The following ZFYVE27 variants were observed in gnomAD, a reference collection of about 807,000 sequenced individuals.
ZFYVE27 encodes the protein zinc finger FYVE-type containing 27.
A neutral mutation model predicts 52.8 loss-of-function variants in ZFYVE27; 36 were observed. That is an observed-to-expected ratio of 0.68 (90% CI 0.52 to 0.90). The LOEUF is 0.90. Ranked by LOEUF, ZFYVE27 falls within the 40% of genes least tolerant of loss-of-function variation. The pLI is 0.00. For missense variants in ZFYVE27, 450 were observed against 527.2 expected (o/e 0.85, Z 1.43); for synonymous variants, 223 against 215.6 (o/e 1.03, Z -0.30).
chr10:97,758,537 G>T (rs1366081290), intron 12 of ZFYVE27, among the ~76,000 whole-genome samples: 1 of 152,088 alleles, frequency 6.6e-6, no homozygotes, highest in Non-Finnish European at 1.5e-5. Context: ...GGTCAGGCTG[G>T]TTTTGAACTC....
chr10:97,757,316 G>A lies in ZFYVE27; in HGVS notation c.1089+5G>A. ...TTCTCAGTGCTGAAGAAGAGGGTGA[G>A]TGTCTGTGAGGGTGCATTTGTTGGG... On this transcript the variant is annotated splice_donor_5th_base_variant and intron_variant, in intron 11 of 12. Coordinates refer to ENST00000684270, the MANE Select transcript of ZFYVE27 (RefSeq NM_001385875.1). 1.9e-6 allele frequency: 3 copies of A among 1,614,184 alleles called. No homozygotes were observed. Among genetic ancestry groups the A allele is most frequent in the South Asian group, 1.1e-5 (1 of 91,086 alleles).
intron 5 of ZFYVE27, 27 bp downstream of exon 5, chr10:97,748,391 C>T (rs1229591753): frequency 6.2e-7 from 1 of 1,608,742 alleles, no homozygotes; most frequent in Non-Finnish European, 8.5e-7. Flanking sequence ...CTCCCGCCAC[C>T]ACCCTATAGG....
In ZFYVE27 at chr10:97,737,264, T is replaced by G. The variant is rs2042324352; in HGVS notation, c.-59T>G. On this transcript the variant is annotated 5_prime_UTR_variant, in exon 1 of 13. Transcript: ENST00000684270. ...CCTGAAGAAACGCTCCGGGGCCCAG[T>G]GGCTCTACCCCTGCTCCTGCCCGAC... 6.6e-6 allele frequency: 1 copy of G among 152,288 alleles called. No homozygotes were observed. Among genetic ancestry groups the G allele is most frequent in the Non-Finnish European group, 1.5e-5 (1 of 68,076 alleles). The allele number at this position is 152,288 out of a possible 1,614,324, so 9.4% of individuals were successfully genotyped here.
chr10:97,740,625 G>T (rs2043363191), intron 2 of ZFYVE27, among the ~76,000 whole-genome samples: 1 of 152,224 alleles, frequency 6.6e-6, no homozygotes, highest in Non-Finnish European at 1.5e-5. Flanking sequence ...TGGAGGATGT[G>T]GTAGGATTGG....
At chr10:97,737,607 T>G (rs917438664) in intron 1 of ZFYVE27, among the ~76,000 whole-genome samples, 6 of 152,262 alleles carry the variant, frequency 3.9e-5, no homozygotes, top group African/African-American at 1.4e-4. Flanking sequence ...GTTGGCCCCT[T>G]TGTCCCATCC....
At chr10:97,742,244 T>G (rs2135979831) in intron 2 of ZFYVE27, among the ~76,000 whole-genome samples, 1 of 152,328 alleles carries the variant, frequency 6.6e-6, no homozygotes, top group South Asian at 2.1e-4. Context: ...TGACACTGCC[T>G]TTAGAATTTG....
chr10:97,739,062 A>C (rs981278007), intron 2 of ZFYVE27, among the ~76,000 whole-genome samples: 4 of 151,812 alleles, frequency 2.6e-5, no homozygotes, highest in African/African-American at 9.7e-5. Context: ...AATTAAAGAA[A>C]TACAAAAACC....
At chr10:97,757,608 G>A (rs749837092) in intron 11 of ZFYVE27, 34 bp from the exon 12 acceptor site, 1 of 1,609,610 alleles carries the variant, frequency 6.2e-7, no homozygotes, top group Admixed American at 1.7e-5. Flanking sequence ...ACCTGAGGGT[G>A]AGGGACACAT....
At chr10:97,741,912 C>T (rs376986952) in intron 2 of ZFYVE27, among the ~76,000 whole-genome samples, 25 of 152,222 alleles carry the variant, frequency 1.6e-4, no homozygotes, top group African/African-American at 5.8e-4. Context: ...GGGCAGATCA[C>T]CTGAGGTCAG....
At chr10:97,756,248 T>G (rs1013501793) in intron 10 of ZFYVE27, among the ~76,000 whole-genome samples, 1 of 152,228 alleles carries the variant, frequency 6.6e-6, no homozygotes, top group Middle Eastern at 3.4e-3. Context: ...AGCAGTAGGC[T>G]TGTTCTTCTC....
In ZFYVE27 at chr10:97,750,271, A is replaced by G. The variant is rs564630944; in HGVS notation, c.665-60A>G. On this transcript the variant is annotated intron_variant, in intron 6 of 12. Coordinates refer to ENST00000684270, the MANE Select transcript of ZFYVE27 (RefSeq NM_001385875.1). ...GCCAGCTGCAGAAGTGGGTACCCCT[A>G]AAGTGCCACTCACGGTGTCTCATTT... 1.2e-6 allele frequency: 2 copies of G among 1,605,198 alleles called. 1 individual carries two copies.
intron 4 of ZFYVE27, 21 bp downstream of exon 4, chr10:97,744,936 A>G: frequency 1.9e-6 from 3 of 1,551,308 alleles, no homozygotes; most frequent in Non-Finnish European, 1.7e-6. Flanking sequence ...AAGAGAGGCC[A>G]GGGAGGTGGG....
chr10:97,740,485 G>A (rs958766814), intron 2 of ZFYVE27, among the ~76,000 whole-genome samples: 1 of 152,238 alleles, frequency 6.6e-6, no homozygotes, highest in Non-Finnish European at 1.5e-5. Flanking sequence ...GTATGTGTGT[G>A]TTGCTCTTTG....
chr10:97,758,998 T>C (rs1320227015), intron 12 of ZFYVE27, among the ~76,000 whole-genome samples: 1 of 152,206 alleles, frequency 6.6e-6, no homozygotes, highest in African/African-American at 2.4e-5. Flanking sequence ...GTTCTGTTGG[T>C]GCCACAATAA....
intron 11 of ZFYVE27, 87 bp from the exon 12 acceptor site, chr10:97,757,555 G>T: frequency 6.8e-7 from 1 of 1,460,710 alleles, no homozygotes. Context: ...TCCTTGGGTG[G>T]GATCAGCTGG....
Position 97,759,683 on chromosome 10 carries a change from G to A in ZFYVE27, c.*383G>A. ...AGTGTGGCTGTGCCTGGGAATTCCA[G>A]ACCTGAGGTTGGGAAAAGAGGTTTT... On this transcript the variant is annotated 3_prime_UTR_variant, in exon 13 of 13. Coordinates refer to ENST00000684270, the MANE Select transcript of ZFYVE27 (RefSeq NM_001385875.1). The A allele has an allele frequency of 3.1e-6, 1 of 319,252 alleles. No homozygotes were observed. The highest frequency in any genetic ancestry group is 3.2e-5 in the South Asian group (1 of 31,050). The allele number at this position is 319,252 out of a possible 1,614,324, so 19.8% of individuals were successfully genotyped here. A position where few individuals can be genotyped will look rare whatever the true frequency, so the allele number is the denominator to read the frequency against.
At chr10:97,737,836 G>C (rs992911599) in intron 1 of ZFYVE27, among the ~76,000 whole-genome samples, 1 of 152,232 alleles carries the variant, frequency 6.6e-6, no homozygotes, top group Non-Finnish European at 1.5e-5. Context: ...GGAAGTTGTT[G>C]GGAACCGAAG....
At chr10:97,757,529 C>T (rs1040978427) in intron 11 of ZFYVE27, 113 bp from the exon 12 acceptor site, 13 of 1,333,646 alleles carry the variant, frequency 9.7e-6, no homozygotes, top group African/African-American at 2.9e-5. Context: ...CACTTGGGCA[C>T]CCCCCAGGCC....
intron 6 of ZFYVE27, chr10:97,749,903 C>T: frequency 2.4e-6 from 1 of 420,036 alleles, no homozygotes; most frequent in Admixed American, 3.6e-5. Flanking sequence ...TGCCACCCAT[C>T]CCCTGGGGTG....
Sources: allele counts gnomAD v4.1 joint callset (sites outside exome capture counted in the v4.1 genomes callset), GRCh38; gene constraint gnomAD v4.1.1; transcripts MANE v1.5; gene names NCBI Gene and HGNC (gene_info 2026-07-23, HGNC 2026-07-21).